Variants in PLD5 observed in about 807,000 individuals in gnomAD.
PLD5 encodes the protein inactive phospholipase D5.
Under a neutral mutation model 61.1 loss-of-function variants are expected in PLD5, and 36 were observed. The observed-to-expected ratio is 0.59, with a 90% CI of 0.45 to 0.78. The LOEUF is 0.78. Among genes scored for constraint, PLD5 ranks in the 30% least tolerant of loss-of-function variants. The probability of loss-of-function intolerance (pLI) is 0.00; values close to 1 mark genes in which losing one functional copy is unlikely to be tolerated. For synonymous variants in PLD5, 243 were observed against 242.8 expected (o/e 1.00, Z -0.01); for missense variants, 515 against 644.4 (o/e 0.80, Z 2.17).
chr1:242,128,706 C>G (rs1662998291), intron 5 of PLD5, among the ~76,000 whole-genome samples: 1 of 152,062 alleles, frequency 6.6e-6, no homozygotes, highest in South Asian at 2.1e-4. Flanking sequence ...ATAGCTCCTC[C>G]CTGCCCAGGG....
chr1:242,375,566 A>G (rs1661900917), intron 1 of PLD5, among the ~76,000 whole-genome samples: 1 of 152,244 alleles, frequency 6.6e-6, no homozygotes, highest in Non-Finnish European at 1.5e-5. Context: ...TGACTACAGT[A>G]TATCATGCAA....
chr1:242,096,564 A>G lies in PLD5; in HGVS notation c.1354+4104T>C, dbSNP rs1410059079. On this transcript the variant is annotated intron_variant, in intron 9 of 9. Transcript: ENST00000536534. ...ACCATGTTGCCCAGGCTGGTCTTGA[A>G]CTCCTGGCCTCAGGTGATCCACCTG... Among the ~76,000 whole-genome samples the G allele has an allele frequency of 2.7e-5, 4 of 148,340 alleles. No homozygotes were observed. The East Asian group carries it at 6.0e-4, about 22-fold the overall frequency.
intron 1 of PLD5, chr1:242,377,038 T>C: frequency 6.2e-7 from 1 of 1,611,820 alleles, no homozygotes; most frequent in Non-Finnish European, 8.5e-7. Flanking sequence ...TTGCACTTTC[T>C]GTCTGACACG....
At chr1:242,399,380 G>T (rs1572068179) in intron 1 of PLD5, among the ~76,000 whole-genome samples, 1 of 152,236 alleles carries the variant, frequency 6.6e-6, no homozygotes, top group African/African-American at 2.4e-5. Flanking sequence ...AAAGATGTTG[G>T]CACTCACTTT....
At chr1:242,115,392 T>TCCCC (rs1472004110) in intron 6 of PLD5, among the ~76,000 whole-genome samples, 1 of 152,060 alleles carries the variant, frequency 6.6e-6, no homozygotes, top group Non-Finnish European at 1.5e-5. Context: ...AACAAATCTT[T>TCCCC]CCCCACCCCC....
chr1:242,129,029 G>T (rs1663025916), intron 5 of PLD5, among the ~76,000 whole-genome samples: 1 of 152,112 alleles, frequency 6.6e-6, no homozygotes, highest in Non-Finnish European at 1.5e-5. Flanking sequence ...ATCAGATGGA[G>T]GGAAGAATAT....
At chr1:242,382,140 C>CA (rs771218262) in intron 1 of PLD5, among the ~76,000 whole-genome samples, 1 of 99,192 alleles carries the variant, frequency 1.0e-5, no homozygotes, top group Admixed American at 9.4e-5. Flanking sequence ...AAAAAAAAAA[C>CA]AAAACAAAAA....
intron 5 of PLD5, chr1:242,210,927 T>C (rs1214446065): frequency 6.6e-6 from 1 of 152,208 alleles, no homozygotes; most frequent in East Asian, 1.9e-4. Flanking sequence ...TACCCTCTTA[T>C]ACTCTGTGAA....
intron 1 of PLD5, among the ~76,000 whole-genome samples, chr1:242,467,786 T>A (rs957297213): frequency 7.9e-5 from 12 of 152,110 alleles, no homozygotes; most frequent in African/African-American, 2.4e-5. Flanking sequence ...TTCCCAAGCA[T>A]CCCTGAGAAG....
intron 1 of PLD5, among the ~76,000 whole-genome samples, chr1:242,500,919 C>G (rs899470333): frequency 2.0e-5 from 3 of 152,142 alleles, no homozygotes; most frequent in Non-Finnish European, 4.4e-5. Flanking sequence ...TTAGGGACAG[C>G]AACTAGAAGC....
At chr1:242,202,715 A>G (rs1669057788) in intron 5 of PLD5, among the ~76,000 whole-genome samples, 1 of 152,156 alleles carries the variant, frequency 6.6e-6, no homozygotes, top group Non-Finnish European at 1.5e-5. Context: ...GCTACTGAAC[A>G]CACTCTACTT....
At chr1:242,463,768 A>G (rs902473379) in intron 1 of PLD5, among the ~76,000 whole-genome samples, 1 of 76,772 alleles carries the variant, frequency 1.3e-5, no homozygotes, top group African/African-American at 7.9e-5. Context: ...ACCCTCTTCT[A>G]TGAAAAAAAA....
intron 2 of PLD5, among the ~76,000 whole-genome samples, chr1:242,340,920 A>G (rs1659793700): frequency 6.6e-6 from 1 of 151,992 alleles, no homozygotes; most frequent in South Asian, 2.1e-4. Flanking sequence ...GCAGCTTAAG[A>G]ACGTTTCCTG....
intron 2 of PLD5, among the ~76,000 whole-genome samples, chr1:242,315,872 T>C (rs1312304541): frequency 6.6e-6 from 1 of 152,096 alleles, no homozygotes; most frequent in East Asian, 1.9e-4. Flanking sequence ...CTCGGGAAAA[T>C]TAGTTTGATA....
intron 5 of PLD5, among the ~76,000 whole-genome samples, chr1:242,214,331 T>C (rs560766466): frequency 1.3e-5 from 2 of 152,298 alleles, no homozygotes; most frequent in East Asian, 3.9e-4. Context: ...AGCCCATCAA[T>C]ATAGTTAGTG....
intron 1 of PLD5, among the ~76,000 whole-genome samples, chr1:242,512,290 G>T (rs1668948011): frequency 6.6e-6 from 1 of 151,944 alleles, no homozygotes; most frequent in African/African-American, 2.4e-5. Flanking sequence ...CATGGTGGCG[G>T]GTGCCTCTAG....
intron 1 of PLD5, chr1:242,449,611 T>C (rs1177032985): frequency 1.9e-6 from 2 of 1,079,180 alleles, no homozygotes; most frequent in Non-Finnish European, 2.5e-6. Flanking sequence ...CTTAAAAACA[T>C]AGGCCCCTCA....
At chr1:242,330,405 G>T (rs566919151) in intron 2 of PLD5, among the ~76,000 whole-genome samples, 2 of 152,110 alleles carry the variant, frequency 1.3e-5, no homozygotes, top group Non-Finnish European at 1.5e-5. Flanking sequence ...ATATGCTGTG[G>T]CCCTTACTTG....
intron 5 of PLD5, among the ~76,000 whole-genome samples, chr1:242,164,052 T>C (rs1354574903): frequency 6.6e-6 from 1 of 152,018 alleles, no homozygotes; most frequent in African/African-American, 2.4e-5. Flanking sequence ...AGACCATGTA[T>C]GTGCAAAGGA....
Sources: gnomAD v4.1 joint callset for allele counts (sites outside exome capture counted in the v4.1 genomes callset) on GRCh38, gnomAD v4.1.1 for gene constraint, MANE v1.5 for transcripts, NCBI Gene and HGNC (gene_info 2026-07-23, HGNC 2026-07-21) for gene names.